DENND1B: variants seen among roughly 807,000 people sequenced by gnomAD.
DENND1B encodes DENN domain-containing protein 1B.
A neutral mutation model predicts 90.1 loss-of-function variants in DENND1B; 59 were observed. The ratio of observed to expected loss-of-function variants is 0.65; its 90% confidence interval spans 0.53 to 0.81. DENND1B has a LOEUF of 0.81. Among genes scored for constraint, DENND1B ranks in the 40% least tolerant of loss-of-function variants. DENND1B has a pLI of 0.00. For synonymous variants in DENND1B, 337 were observed against 324.6 expected, an observed-to-expected ratio of 1.04 and a Z score of -0.41; for missense variants, 862 against 912.6, an observed-to-expected ratio of 0.94 and a Z score of 0.71.
chr1:197,671,768 T>C (rs1052833183), intron 5 of DENND1B, among the ~76,000 whole-genome samples: 2 of 152,082 alleles, frequency 1.3e-5, no homozygotes, highest in Non-Finnish European at 2.9e-5. Flanking sequence ...GTGAAACTCA[T>C]ATTATTTGAA....
intron 3 of DENND1B, among the ~76,000 whole-genome samples, chr1:197,677,853 A>G (rs1031070223): frequency 5.9e-5 from 9 of 152,214 alleles, no homozygotes; most frequent in African/African-American, 2.2e-4. Flanking sequence ...TCATGGACCC[A>G]GAAGTCTTCC....
At chr1:197,661,030 C>A (rs1654356794) in intron 5 of DENND1B, among the ~76,000 whole-genome samples, 1 of 151,942 alleles carries the variant, frequency 6.6e-6, no homozygotes, top group South Asian at 2.1e-4. Context: ...TTACAATAAG[C>A]ATATTGACAA....
Position 197,555,416 on chromosome 1 carries a change from A to G in DENND1B, c.1150-2304T>C, listed in dbSNP as rs141546377. 2.0e-3 allele frequency among the ~76,000 whole-genome samples: 308 copies of G among 152,272 alleles called. 3 individuals are homozygous for G. The East Asian group carries it at 0.046, about 23-fold the overall frequency. On this transcript the variant is annotated intron_variant, in intron 15 of 22. Coordinates refer to ENST00000620048, the MANE Select transcript of DENND1B (RefSeq NM_001195215.2). ...AGCAAAAGAAACTATCAATGGAGTA[A>G]ACAGACAACCTACAGAATGGGAGAA...
chr1:197,658,299 C>G lies in DENND1B; in HGVS notation c.366+1G>C. ...TTAAAAATGGGGAAAAAATAGCTTA[C>G]CAGTTCCTTAGCCAAGTAATCTGCA... On this transcript the variant is annotated splice_donor_variant, in intron 6 of 22. Coordinates refer to ENST00000620048, the MANE Select transcript of DENND1B (RefSeq NM_001195215.2). LOFTEE classifies it high-confidence loss of function. The G allele has an allele frequency of 6.2e-7, 1 of 1,606,646 alleles. No individual in the cohort carries two copies. The highest frequency in any genetic ancestry group is 1.1e-5 in the South Asian group (1 of 89,904).
In DENND1B at chr1:197,672,712, A is replaced by G. The variant is rs1655636233; in HGVS notation, c.177-556T>C. 1.3e-5 allele frequency among the ~76,000 whole-genome samples: 2 copies of G among 152,026 alleles called. 1 individual carries two copies. Among genetic ancestry groups the G allele is most frequent in the Non-Finnish European group, 2.9e-5 (2 of 67,938 alleles). On this transcript the variant is annotated intron_variant, in intron 4 of 22. Coordinates refer to ENST00000620048, the MANE Select transcript of DENND1B (RefSeq NM_001195215.2). Reference sequence around the variant, plus strand: ...CTCTTGTACAGCTATCAATATACTGAGGAATACATTTCCAAGTATAAAATA... The same window carrying G: ...CTCTTGTACAGCTATCAATATACTGGGGAATACATTTCCAAGTATAAAATA...
intron 13 of DENND1B, among the ~76,000 whole-genome samples, chr1:197,604,095 A>G (rs1676447182): frequency 6.6e-6 from 1 of 151,508 alleles, no homozygotes; most frequent in African/African-American, 2.4e-5. Flanking sequence ...ATATATTAAT[A>G]GACAAAAACT....
rs138426085 is a variant in DENND1B, at chr1:197,523,442, C to CG, written c.1516-10490dup. Among the ~76,000 whole-genome samples, 454 of 152,196 alleles carry CG rather than the reference C, an allele frequency of 3.0e-3. 2 individuals carry two copies. Among genetic ancestry groups the CG allele is most frequent in the Non-Finnish European group, 4.5e-3 (305 of 67,990 alleles). ...CTAAGAAAGTCCCACTCCTAAGGCA[C>CG]GGGGGCGCATGGCCCACTTAAGACA... On this transcript the variant is annotated intron_variant, in intron 20 of 22. Transcript: ENST00000620048.
intron 5 of DENND1B, among the ~76,000 whole-genome samples, chr1:197,669,538 AAT>A (rs1655281292): frequency 6.6e-6 from 1 of 152,112 alleles, no homozygotes; most frequent in Non-Finnish European, 1.5e-5. Flanking sequence ...ATTAAAATTA[AAT>A]AGTTATCTAA....
At chr1:197,592,321 A>T (rs1173763858) in intron 14 of DENND1B, among the ~76,000 whole-genome samples, 1 of 152,106 alleles carries the variant, frequency 6.6e-6, no homozygotes, top group Non-Finnish European at 1.5e-5. Flanking sequence ...GAAGGCTTGT[A>T]AAAATTCAGT....
At chr1:197,581,660 CCTA>C (rs1462913044) in intron 15 of DENND1B, among the ~76,000 whole-genome samples, 1 of 152,056 alleles carries the variant, frequency 6.6e-6, no homozygotes, top group Non-Finnish European at 1.5e-5. Context: ...ATACATGACT[CCTA>C]AAAAGTAAAC....
chr1:197,504,876 C>A lies in DENND1B; in HGVS notation c.*5584G>T, dbSNP rs914015777. On this transcript the variant is annotated 3_prime_UTR_variant, in exon 23 of 23. Coordinates refer to ENST00000620048, the MANE Select transcript of DENND1B (RefSeq NM_001195215.2). ...AAAGCGATGCTTTTATACACATCTT[C>A]CCAATAGTAGTCAAGTTTGGAGATG... The A allele has an allele frequency of 2.0e-5, 3 of 151,754 alleles. No individual in the cohort carries two copies. The highest frequency in any genetic ancestry group is 7.3e-5 in the African/African-American group (3 of 41,340). The allele number at this position is 151,754 out of a possible 1,614,324, so 9.4% of individuals were successfully genotyped here. A position where few individuals can be genotyped will look rare whatever the true frequency, so the allele number is the denominator to read the frequency against.
rs757280591 is a variant in DENND1B at position 197,645,754 on chromosome 1, C to A, written c.508-11G>T. Reference sequence around the variant, plus strand: ...AATGAAGTAGGAATGCTAATCAATACAAATAAATCACATATGAAAAAGATA... The same window carrying A: ...AATGAAGTAGGAATGCTAATCAATAAAAATAAATCACATATGAAAAAGATA... On this transcript the variant is annotated splice_polypyrimidine_tract_variant and intron_variant, in intron 8 of 22. Coordinates refer to ENST00000620048, the MANE Select transcript of DENND1B (RefSeq NM_001195215.2). The A allele has an allele frequency of 1.3e-6, 2 of 1,535,826 alleles. No homozygotes were observed. Among genetic ancestry groups the A allele is most frequent in the Admixed American group, 1.9e-5 (1 of 51,776 alleles).
chr1:197,630,912 C>G lies in DENND1B; in HGVS notation c.672+11799G>C, dbSNP rs77141893. Among the ~76,000 whole-genome samples, 1,381 of 152,194 alleles carry G rather than the reference C, an allele frequency of 9.1e-3. 18 individuals are homozygous for G. The highest frequency in any genetic ancestry group is 0.028 in the African/African-American group (1,176 of 41,526). On this transcript the variant is annotated intron_variant, in intron 10 of 22. Coordinates refer to ENST00000620048, the MANE Select transcript of DENND1B (RefSeq NM_001195215.2). ...TTACATTCTAGTTACCCTCTATATA[C>G]CACCATTACTGCTGTACTCACCTCG...
intron 14 of DENND1B, among the ~76,000 whole-genome samples, chr1:197,592,926 C>T (rs747672560): frequency 9.9e-5 from 15 of 152,000 alleles, no homozygotes; most frequent in Non-Finnish European, 1.9e-4. Context: ...ATTTTCCTTT[C>T]CAATTGTACT....
In DENND1B at chr1:197,509,760, T is replaced by G. The variant is rs898543501; in HGVS notation, c.*700A>C. ...TCATTTGTAAACAGAAGTCATTAAC[T>G]TCACATTGTAATTCAGCACTTCCTA... On this transcript the variant is annotated 3_prime_UTR_variant, in exon 23 of 23. Coordinates refer to ENST00000620048, the MANE Select transcript of DENND1B (RefSeq NM_001195215.2). 2 of 152,144 alleles carry G rather than the reference T, an allele frequency of 1.3e-5. No homozygotes were observed. The highest frequency in any genetic ancestry group is 2.9e-5 in the Non-Finnish European group (2 of 67,814). 9.4% of individuals were successfully genotyped at this position (152,144 alleles called of 1,614,324 possible).
intron 2 of DENND1B, among the ~76,000 whole-genome samples, chr1:197,725,783 T>G (rs1661573719): frequency 6.6e-6 from 1 of 151,894 alleles, no homozygotes; most frequent in Admixed American, 6.6e-5. Context: ...CTGCTTACAC[T>G]CTGGGAAAGG....
At chr1:197,656,013 A>G (rs1011971715) in intron 6 of DENND1B, among the ~76,000 whole-genome samples, 1 of 152,326 alleles carries the variant, frequency 6.6e-6, no homozygotes, top group South Asian at 2.1e-4. Context: ...AAGCCAGATC[A>G]TAAAGTTATT....
intron 2 of DENND1B, among the ~76,000 whole-genome samples, chr1:197,752,920 T>C (rs1402037879): frequency 2.0e-5 from 3 of 152,016 alleles, no homozygotes; most frequent in African/African-American, 7.3e-5. Context: ...TTGCTCAGAA[T>C]GATGGTTTCC....
At chr1:197,613,811 G>A (rs1433637995) in intron 11 of DENND1B, among the ~76,000 whole-genome samples, 1 of 150,868 alleles carries the variant, frequency 6.6e-6, no homozygotes, top group Non-Finnish European at 1.5e-5. Context: ...TTAACCTCAG[G>A]TTAGTTTATT....
Sources: allele counts gnomAD v4.1 joint callset (sites outside exome capture counted in the v4.1 genomes callset), GRCh38; gene constraint gnomAD v4.1.1; transcripts MANE v1.5; gene names NCBI Gene and HGNC (gene_info 2026-07-23, HGNC 2026-07-21).